KIR2DL4: variants seen among roughly 807,000 people sequenced by gnomAD.
The protein encoded by KIR2DL4 is killer cell immunoglobulin like receptor, two Ig domains and long cytoplasmic tail 4.
A neutral mutation model predicts 31.0 loss-of-function variants in KIR2DL4; 41 were observed. The observed-to-expected ratio is 1.32, with a 90% CI of 1.03 to 1.72. The LOEUF is 1.72. Among genes scored for constraint, KIR2DL4 ranks in the 40% most tolerant of loss-of-function variants. KIR2DL4 has a pLI of 0.00. For synonymous variants in KIR2DL4, 164 were observed against 133.6 expected (o/e 1.23, Z -1.57); for missense variants, 438 against 353.7 (o/e 1.24, Z -1.91).
In KIR2DL4 at chr19:54,806,269, A is replaced by G. The variant is rs1219907846; in HGVS notation, c.655+25A>G. On this transcript the variant is annotated intron_variant, in intron 4 of 7. Transcript: ENST00000359085. ...GGTGAGGAAAGCCAATGTCTGTCCC[A>G]TGTCCTATGGTCCTAGAGCCTTAGC... The G allele has an allele frequency of 4.4e-6, 7 of 1,602,328 alleles. No homozygotes were observed. In the Admixed American group the frequency reaches 8.4e-5, roughly 19 times the overall value.
chr19:54,806,308 G>C (rs2060526888), intron 4 of KIR2DL4, 64 bp downstream of exon 4: 2 of 1,486,380 alleles, frequency 1.3e-6, no homozygotes, highest in African/African-American at 2.9e-5. Context: ...GGAGCTTCCT[G>C]CTGATGATGG....
exon 4 of KIR2DL4, chr19:54,806,191 G>T (rs751766410): frequency 3.4e-5 from 54 of 1,611,050 alleles, no homozygotes; most frequent in Non-Finnish European, 4.6e-5. Flanking sequence ...TCTTTCCATG[G>T]ATCTCCCTAC....
At chr19:54,809,283 A>G (rs1415347235) in intron 5 of KIR2DL4, among the ~76,000 whole-genome samples, 8 of 150,520 alleles carry the variant, frequency 5.3e-5, no homozygotes. Context: ...CCTGTCTGTC[A>G]TGATCCAACC....
chr19:54,810,041 G>C (rs1295225304), intron 5 of KIR2DL4, among the ~76,000 whole-genome samples: 3 of 149,834 alleles, frequency 2.0e-5, no homozygotes, highest in African/African-American at 7.5e-5. Flanking sequence ...GATTAAATGG[G>C]AGGGCAGAAA....
At chr19:54,805,994 G>A (rs767101253) in exon 4 of KIR2DL4, 13 of 1,610,032 alleles carry the variant, frequency 8.1e-6, no homozygotes, top group Admixed American at 5.0e-5. Flanking sequence ...CGGGCCCCAC[G>A]GTTCGCGCAG....
exon 8 of KIR2DL4, chr19:54,813,952 AG>A (rs754042796): frequency 1.2e-6 from 2 of 1,612,446 alleles, no homozygotes; most frequent in Non-Finnish European, 1.7e-6. Flanking sequence ...GACCCTCAAC[AG>A]ATACCAGCGT....
At position 54,803,967 on chromosome 19, in the gene KIR2DL4, A is replaced by C. The variant is rs754542587; in HGVS notation, c.76+41A>C. ...AATGATGGGTTGCCATCTTCACCCCAATACAAGTGAATTTTCCAGAAATGG... is the reference window on the plus strand; with the variant it reads ...AATGATGGGTTGCCATCTTCACCCCCATACAAGTGAATTTTCCAGAAATGG... On this transcript the variant is annotated intron_variant, in intron 2 of 7. Transcript: ENST00000359085. 4 of 1,576,300 alleles carry C rather than the reference A, an allele frequency of 2.5e-6. No homozygotes were observed. In the African/African-American group the frequency reaches 5.6e-5, roughly 22 times the overall value.
chr19:54,813,650 G>A (rs1327826462), intron 6 of KIR2DL4, 40 bp from the exon 6 acceptor site: 1 of 1,601,064 alleles, frequency 6.2e-7, no homozygotes. Context: ...GGACCCAGAA[G>A]TGCCCTCCCA....
In KIR2DL4 at chr19:54,805,984, C is replaced by A. The variant is rs200485159; in HGVS notation, c.395C>A (p.Pro132Gln). 65 of 1,609,584 alleles carry A rather than the reference C, an allele frequency of 4.0e-5. 3 individuals carry two copies. The highest frequency in any genetic ancestry group is 1.8e-4 in the East Asian group (8 of 44,760). Reference sequence around the variant, plus strand: ...GAGAAACCTTCGCTTACAGCCCGGCCGGGCCCCACGGTTCGCGCAGGAGAG... The same window carrying A: ...GAGAAACCTTCGCTTACAGCCCGGCAGGGCCCCACGGTTCGCGCAGGAGAG... The change falls in exon 4 of 8, where the codon CCG (proline) becomes CAG (glutamine). Residue 132 changes from proline to glutamine, a missense_variant. Pro to Gln is a moderately conservative substitution (Grantham distance 76). Transcript: ENST00000359085.
intron 5 of KIR2DL4, among the ~76,000 whole-genome samples, chr19:54,811,225 C>A (rs1467719371): frequency 6.6e-6 from 1 of 150,712 alleles, no homozygotes; most frequent in Non-Finnish European, 1.5e-5. Flanking sequence ...TGGTGAAACC[C>A]CATCTCTACT....
intron 5 of KIR2DL4, among the ~76,000 whole-genome samples, chr19:54,811,514 C>T (rs2060867182): frequency 6.6e-6 from 1 of 150,930 alleles, no homozygotes; most frequent in African/African-American, 2.4e-5. Flanking sequence ...ATCCTTTATC[C>T]TATCCGTAAG....
intron 5 of KIR2DL4, among the ~76,000 whole-genome samples, chr19:54,809,728 C>A (rs1470537960): frequency 6.6e-6 from 1 of 151,396 alleles, no homozygotes; most frequent in Admixed American, 6.6e-5. Flanking sequence ...ACACCTCTTT[C>A]TCTGAATGCT....
In KIR2DL4 at chr19:54,808,082, T is replaced by C. The variant is rs1280240208; in HGVS notation, c.656-751T>C. Among the ~76,000 whole-genome samples, 4 of 150,962 alleles carry C rather than the reference T, an allele frequency of 2.6e-5. 1 individual carries two copies. Among genetic ancestry groups the C allele is most frequent in the Non-Finnish European group, 5.9e-5 (4 of 67,922 alleles). On this transcript the variant is annotated intron_variant, in intron 4 of 7. Transcript: ENST00000359085. ...TTGAGGTGTTTGAGCTTCTTTTATA[T>C]TCTAGTTATTAATCCCATCTCAGAT...
chr19:54,807,407 C>T (rs2060592506), intron 4 of KIR2DL4, among the ~76,000 whole-genome samples: 1 of 151,508 alleles, frequency 6.6e-6, no homozygotes, highest in African/African-American at 2.4e-5. Flanking sequence ...TTGCTAGATC[C>T]TCTGGATGTT....
intron 5 of KIR2DL4, among the ~76,000 whole-genome samples, chr19:54,809,520 C>G (rs1601185850): frequency 6.6e-6 from 1 of 151,312 alleles, no homozygotes; most frequent in East Asian, 1.9e-4. Flanking sequence ...AATGCATCAT[C>G]TCACTGGGCT....
rs375307598 is a variant in KIR2DL4 at position 54,813,601 on chromosome 19, T to C, written c.811-89T>C. On this transcript the variant is annotated intron_variant, in intron 6 of 7. Coordinates refer to ENST00000359085, the Ensembl canonical transcript of KIR2DL4. ...GCAGCTGAGGGACCTCAGGCACCTA[T>C]GGCCTCCCCCTGTGTGTTGGTATCT... is the stretch of plus-strand genomic sequence containing the variant. 2.9e-6 allele frequency: 4 copies of C among 1,371,782 alleles called. No individual in the cohort carries two copies. In the African/African-American group the frequency reaches 5.9e-5, roughly 20 times the overall value. The allele number at this position is 1,371,782 out of a possible 1,614,324, so 85.0% of individuals were successfully genotyped here.
chr19:54,806,776 G>C (rs1012197473), intron 4 of KIR2DL4, among the ~76,000 whole-genome samples: 1 of 150,452 alleles, frequency 6.6e-6, no homozygotes. Flanking sequence ...GAGACGCCAA[G>C]GCAGGTGGAT....
At chr19:54,813,175 C>T in exon 6 of KIR2DL4, 1 of 1,541,182 alleles carries the variant, frequency 6.5e-7, no homozygotes, top group Non-Finnish European at 8.8e-7. Context: ...GGCCATCATC[C>T]TCTTTACCAT....
At chr19:54,808,717 T>C in intron 4 of KIR2DL4, 116 bp from the exon 5 acceptor site, 1 of 818,128 alleles carries the variant, frequency 1.2e-6, no homozygotes, top group Non-Finnish European at 2.1e-6. Flanking sequence ...ATGCCAGGAC[T>C]CCCAGGGCCC....
Sources: gnomAD v4.1 joint callset for allele counts (sites outside exome capture counted in the v4.1 genomes callset) on GRCh38, gnomAD v4.1.1 for gene constraint, MANE v1.5 for transcripts, NCBI Gene and HGNC (gene_info 2026-07-23, HGNC 2026-07-21) for gene names.